RIMS2: variants seen among roughly 807,000 people sequenced by gnomAD.
RIMS2 encodes the protein regulating synaptic membrane exocytosis 2.
RIMS2 carries 59 observed loss-of-function variants against 174.4 expected under a neutral mutation model. The ratio of observed to expected loss-of-function variants is 0.34; its 90% CI spans 0.27 to 0.42. The LOEUF is 0.42. Among genes scored for constraint, RIMS2 ranks in the 10% least tolerant of loss-of-function variants. The pLI, the probability that RIMS2 is intolerant of heterozygous loss-of-function variation, is 1.00. For synonymous variants in RIMS2, 606 were observed against 572.5 expected (o/e 1.06, Z -0.84); for missense variants, 1,620 against 1,666.3 (o/e 0.97, Z 0.48).
chr8:104,096,080 AGAT>A (rs2097757853), intron 19 of RIMS2, among the ~76,000 whole-genome samples: 1 of 152,194 alleles, frequency 6.6e-6, no homozygotes, highest in African/African-American at 2.4e-5. Flanking sequence ...TTACTAATAA[AGAT>A]GACCATTTTT....
chr8:103,614,273 G>T (rs1361783572), intron 1 of RIMS2, among the ~76,000 whole-genome samples: 1 of 152,270 alleles, frequency 6.6e-6, no homozygotes, highest in African/African-American at 2.4e-5. Context: ...CCATGCATGG[G>T]CACTGGCGGA....
chr8:103,566,868 A>G (rs1053973065), intron 1 of RIMS2, among the ~76,000 whole-genome samples: 1 of 152,288 alleles, frequency 6.6e-6, no homozygotes, highest in South Asian at 2.1e-4. Flanking sequence ...GCCTTTCAAA[A>G]TGTTGAGTTC....
intron 19 of RIMS2, among the ~76,000 whole-genome samples, chr8:104,106,609 A>G (rs1370874099): frequency 2.0e-5 from 3 of 152,162 alleles, no homozygotes; most frequent in Non-Finnish European, 2.9e-5. Context: ...TACATTAAGG[A>G]GTAAAATGAA....
At chr8:103,841,358 A>G (rs186482858) in intron 3 of RIMS2, among the ~76,000 whole-genome samples, 1 of 152,094 alleles carries the variant, frequency 6.6e-6, no homozygotes, top group East Asian at 1.9e-4. Flanking sequence ...TCTCTCTCTC[A>G]TACATATTAC....
At chr8:103,960,083 A>G (rs1476783620) in intron 14 of RIMS2, among the ~76,000 whole-genome samples, 1 of 152,204 alleles carries the variant, frequency 6.6e-6, no homozygotes, top group Non-Finnish European at 1.5e-5. Context: ...TTTTTAAAAG[A>G]TCGACAAAAT....
chr8:104,194,028 C>T (rs1019856466), intron 19 of RIMS2, among the ~76,000 whole-genome samples: 1 of 152,176 alleles, frequency 6.6e-6, no homozygotes, highest in Non-Finnish European at 1.5e-5. Flanking sequence ...GCAGTATAGG[C>T]ATAGTGCCAA....
chr8:103,871,886 A>T (rs1285528452), intron 3 of RIMS2, among the ~76,000 whole-genome samples: 1 of 152,086 alleles, frequency 6.6e-6, no homozygotes, highest in African/African-American at 2.4e-5. Context: ...TTGTTTTCTC[A>T]AACTGTGACT....
intron 1 of RIMS2, among the ~76,000 whole-genome samples, chr8:103,544,847 T>C (rs760798666): frequency 1.3e-5 from 2 of 151,220 alleles, no homozygotes; most frequent in Non-Finnish European, 2.9e-5. Context: ...TATACCACAA[T>C]CAAACCATCA....
At chr8:104,115,492 A>C (rs1294837856) in intron 19 of RIMS2, among the ~76,000 whole-genome samples, 1 of 152,162 alleles carries the variant, frequency 6.6e-6, no homozygotes, top group Non-Finnish European at 1.5e-5. Flanking sequence ...GCCAACTAGA[A>C]GTAAACTGAC....
At chr8:104,246,678 T>C (rs1310745490) in intron 20 of RIMS2, among the ~76,000 whole-genome samples, 1 of 152,076 alleles carries the variant, frequency 6.6e-6, no homozygotes, top group Non-Finnish European at 1.5e-5. Context: ...AAAGGAAATA[T>C]TCGAGTGAAG....
At chr8:104,099,341 A>G (rs2130864290) in intron 19 of RIMS2, among the ~76,000 whole-genome samples, 1 of 152,268 alleles carries the variant, frequency 6.6e-6, no homozygotes, top group African/African-American at 2.4e-5. Context: ...TCCACCAAGT[A>G]TTACCTGTGG....
At chr8:103,565,336 A>G (rs965493685) in intron 1 of RIMS2, among the ~76,000 whole-genome samples, 2 of 151,550 alleles carry the variant, frequency 1.3e-5, no homozygotes, top group Non-Finnish European at 2.9e-5. Context: ...ACGAGGTCTC[A>G]CTCTGTTGTT....
intron 19 of RIMS2, among the ~76,000 whole-genome samples, chr8:104,048,552 G>A (rs928288130): frequency 2.0e-5 from 3 of 152,076 alleles, no homozygotes; most frequent in African/African-American, 7.2e-5. Flanking sequence ...ACTTTTGACT[G>A]TGTAGAAATA....
chr8:104,061,774 G>A (rs1432286420), intron 19 of RIMS2, among the ~76,000 whole-genome samples: 1 of 151,688 alleles, frequency 6.6e-6, no homozygotes, highest in South Asian at 2.1e-4. Flanking sequence ...TGGATGCATT[G>A]TATTCTATAG....
intron 3 of RIMS2, among the ~76,000 whole-genome samples, chr8:103,858,676 CGT>C (rs1359547945): frequency 1.4e-5 from 2 of 143,632 alleles, no homozygotes; most frequent in Non-Finnish European, 3.0e-5. Flanking sequence ...TATATATATA[CGT>C]GTGTGTGTAT....
chr8:103,572,276 A>C (rs1001266596), intron 1 of RIMS2, among the ~76,000 whole-genome samples: 4 of 152,204 alleles, frequency 2.6e-5, no homozygotes, highest in Non-Finnish European at 5.9e-5. Flanking sequence ...CACAGCATGG[A>C]AGGGGACCTG....
chr8:103,689,378 C>G (rs1411990699), intron 1 of RIMS2, among the ~76,000 whole-genome samples: 5 of 151,998 alleles, frequency 3.3e-5, no homozygotes, highest in Non-Finnish European at 7.4e-5. Context: ...TCCATTTGGT[C>G]TGTAGTGCAG....
chr8:103,750,261 A>C (rs1351342932), intron 2 of RIMS2, among the ~76,000 whole-genome samples: 1 of 152,254 alleles, frequency 6.6e-6, no homozygotes. Context: ...ATAATTCCCC[A>C]TTACAAAATG....
chr8:104,073,747 C>T (rs1203065623), intron 19 of RIMS2, among the ~76,000 whole-genome samples: 2 of 152,278 alleles, frequency 1.3e-5, no homozygotes, highest in African/African-American at 2.4e-5. Flanking sequence ...ATGCCTGACC[C>T]TAGGCACTTT....
Sources: gnomAD v4.1 joint callset for allele counts (sites outside exome capture counted in the v4.1 genomes callset) on GRCh38, gnomAD v4.1.1 for gene constraint, MANE v1.5 for transcripts, NCBI Gene and HGNC (gene_info 2026-07-23, HGNC 2026-07-21) for gene names.